The following ADGRB3 variants were observed in gnomAD, a reference collection of about 807,000 sequenced individuals.
The protein encoded by ADGRB3 is brain-specific angiogenesis inhibitor 3.
A neutral mutation model predicts 193.4 loss-of-function variants in ADGRB3; 37 were observed. The ratio of observed to expected loss-of-function variants is 0.19; its 90% CI spans 0.15 to 0.25. The LOEUF is 0.25. ADGRB3 is among the 10% of genes least tolerant of loss of function. The pLI is 1.00. For missense variants in ADGRB3, 1,637 were observed against 1,852.9 expected, an observed-to-expected ratio of 0.88 and a Z score of 2.14; for synonymous variants, 690 against 644.2, an observed-to-expected ratio of 1.07 and a Z score of -1.08.
intron 3 of ADGRB3, among the ~76,000 whole-genome samples, chr6:68,757,412 C>T (rs1766317095): frequency 6.6e-6 from 1 of 152,168 alleles, no homozygotes; most frequent in African/African-American, 2.4e-5. Context: ...AAGTCAGTGT[C>T]TAAATCCTGG....
At chr6:69,010,152 T>C (rs891678361) in intron 11 of ADGRB3, among the ~76,000 whole-genome samples, 1 of 152,136 alleles carries the variant, frequency 6.6e-6, no homozygotes, top group Non-Finnish European at 1.5e-5. Flanking sequence ...AGAATGATCA[T>C]GCCTCTTTGA....
At chr6:69,188,591 G>A (rs1765116014) in intron 17 of ADGRB3, among the ~76,000 whole-genome samples, 1 of 152,140 alleles carries the variant, frequency 6.6e-6, no homozygotes, top group African/African-American at 2.4e-5. Flanking sequence ...TTAAAGGCGT[G>A]AGCCACTGCG....
intron 3 of ADGRB3, among the ~76,000 whole-genome samples, chr6:68,759,688 A>G (rs1766360375): frequency 1.3e-5 from 2 of 152,042 alleles, no homozygotes; most frequent in Admixed American, 1.3e-4. Context: ...CTTAATGTGA[A>G]TGTTTCTTAA....
intron 17 of ADGRB3, among the ~76,000 whole-genome samples, chr6:69,190,832 A>G (rs1194590395): frequency 3.9e-5 from 6 of 152,148 alleles, no homozygotes; most frequent in Admixed American, 3.9e-4. Context: ...TAGATACACA[A>G]ATACTTATAA....
At chr6:69,096,798 C>T (rs1469083617) in intron 17 of ADGRB3, among the ~76,000 whole-genome samples, 1 of 152,140 alleles carries the variant, frequency 6.6e-6, no homozygotes, top group Non-Finnish European at 1.5e-5. Context: ...TCTTTAAGTG[C>T]TTCATTTGAT....
At chr6:69,329,855 C>G (rs1375925434) in intron 22 of ADGRB3, among the ~76,000 whole-genome samples, 1 of 152,164 alleles carries the variant, frequency 6.6e-6, no homozygotes, top group Non-Finnish European at 1.5e-5. Context: ...AATGGATTAT[C>G]TTGTCTCTAT....
chr6:69,056,117 A>AC (rs1360890356), intron 15 of ADGRB3, among the ~76,000 whole-genome samples: 1 of 151,868 alleles, frequency 6.6e-6, no homozygotes, highest in African/African-American at 2.4e-5. Context: ...GACATGAGCC[A>AC]CCCCGCCCAG....
At chr6:68,705,602 G>A (rs913019485) in intron 3 of ADGRB3, among the ~76,000 whole-genome samples, 14 of 152,182 alleles carry the variant, frequency 9.2e-5, no homozygotes, top group Non-Finnish European at 1.9e-4. Context: ...CATGTGAAGG[G>A]TTTAATTGAA....
intron 3 of ADGRB3, among the ~76,000 whole-genome samples, chr6:68,779,272 G>A (rs1766809589): frequency 6.7e-6 from 1 of 149,538 alleles, no homozygotes; most frequent in Admixed American, 6.7e-5. Flanking sequence ...AACAGAGAAG[G>A]TAAATAAAAT....
At chr6:69,348,538 C>T (rs1237526660) in intron 26 of ADGRB3, among the ~76,000 whole-genome samples, 1 of 151,738 alleles carries the variant, frequency 6.6e-6, no homozygotes, top group African/African-American at 2.4e-5. Flanking sequence ...TGGCAGGCGC[C>T]TGTAGTCCCA....
chr6:68,958,892 T>TAATA (rs1383926009), intron 8 of ADGRB3, among the ~76,000 whole-genome samples: 45 of 151,756 alleles, frequency 3.0e-4, no homozygotes, highest in Non-Finnish European at 5.9e-4. Flanking sequence ...TGTGTGTGTG[T>TAATA]GTGTGTGTGT....
At chr6:68,889,038 G>A (rs1765995999) in intron 3 of ADGRB3, among the ~76,000 whole-genome samples, 1 of 152,176 alleles carries the variant, frequency 6.6e-6, no homozygotes, top group South Asian at 2.1e-4. Context: ...GTTTTGTCAT[G>A]TTAGAAAGTA....
rs145586922 is a variant in ADGRB3, at chr6:68,805,333, A to T, written c.758-125226A>T. ...TACTACAAAGACATTACAAAATATC[A>T]TGTGAACATTTTATAAGTTCTTAAT... On this transcript the variant is annotated intron_variant, in intron 3 of 31. Coordinates refer to ENST00000370598, the MANE Select transcript of ADGRB3 (RefSeq NM_001704.3). 5.1e-3 allele frequency among the ~76,000 whole-genome samples: 772 copies of T among 152,324 alleles called. 1 individual carries two copies. The highest frequency in any genetic ancestry group is 8.2e-3 in the Admixed American group (126 of 15,300).
chr6:68,909,187 A>C (rs2150236417), intron 3 of ADGRB3, among the ~76,000 whole-genome samples: 1 of 152,308 alleles, frequency 6.6e-6, no homozygotes, highest in Non-Finnish European at 1.5e-5. Flanking sequence ...ACACAGTCCA[A>C]AACTTGGAAG....
intron 3 of ADGRB3, among the ~76,000 whole-genome samples, chr6:68,835,617 G>T (rs1374762689): frequency 1.3e-5 from 2 of 151,254 alleles, no homozygotes; most frequent in Admixed American, 6.6e-5. Context: ...TTCATCTCTT[G>T]TGTTTTCCTT....
intron 23 of ADGRB3, 33 bp from the exon 24 acceptor site, chr6:69,332,890 C>G: frequency 6.2e-7 from 1 of 1,609,898 alleles, no homozygotes; most frequent in South Asian, 1.1e-5. Flanking sequence ...CCTTCAATAT[C>G]ATTGAAAGGT....
chr6:69,295,574 A>G (rs750682919), intron 20 of ADGRB3, among the ~76,000 whole-genome samples: 2 of 152,076 alleles, frequency 1.3e-5, no homozygotes, highest in Non-Finnish European at 2.9e-5. Context: ...TGGGAACAAT[A>G]ATGTTTTTAT....
At chr6:69,060,249 T>TCTCTCTCC (rs746970123) in intron 15 of ADGRB3, among the ~76,000 whole-genome samples, 6 of 145,408 alleles carry the variant, frequency 4.1e-5, no homozygotes, top group Non-Finnish European at 7.7e-5. Flanking sequence ...TCTCTCTCTC[T>TCTCTCTCC]CCTCCTCTGT....
chr6:68,729,113 A>G (rs147961568), intron 3 of ADGRB3, among the ~76,000 whole-genome samples: 5 of 151,780 alleles, frequency 3.3e-5, no homozygotes, highest in African/African-American at 1.2e-4. Flanking sequence ...TATCAGGTTA[A>G]TAAAAAGCAT....
Sources: gnomAD v4.1 joint callset for allele counts (sites outside exome capture counted in the v4.1 genomes callset) on GRCh38, gnomAD v4.1.1 for gene constraint, MANE v1.5 for transcripts, NCBI Gene and HGNC (gene_info 2026-07-23, HGNC 2026-07-21) for gene names.